The following ASIC2 variants were observed in gnomAD, a reference collection of about 807,000 sequenced individuals.
The protein encoded by ASIC2 is acid-sensing ion channel 2.
ASIC2 carries 25 observed loss-of-function variants against 57.3 expected under a neutral mutation model. The observed-to-expected ratio is 0.44, with a 90% confidence interval of 0.32 to 0.61. The LOEUF is 0.61. ASIC2 is among the 20% of genes least tolerant of loss of function. ASIC2 has a pLI of 0.06. For missense variants in ASIC2, 641 were observed against 738.1 expected, an observed-to-expected ratio of 0.87 and a Z score of 1.52; for synonymous variants, 319 against 307.5, an observed-to-expected ratio of 1.04 and a Z score of -0.39.
In ASIC2 at chr17:33,628,765, T is replaced by G. The variant is rs1035090621; in HGVS notation, c.556-516698A>C. 1.6e-4 allele frequency among the ~76,000 whole-genome samples: 25 copies of G among 152,218 alleles called. 1 individual carries two copies. The highest frequency in any genetic ancestry group is 1.8e-4 in the Non-Finnish European group (12 of 68,032). ...AACAGCCCTCTGAGGTTGATACAAT[T>G]ATTACCTCCATCTAATAGAAGGAAA... On this transcript the variant is annotated intron_variant, in intron 1 of 9. Transcript: ENST00000359872.
At chr17:33,076,672 C>A (rs1193504328) in intron 3 of ASIC2, among the ~76,000 whole-genome samples, 1 of 152,096 alleles carries the variant, frequency 6.6e-6, no homozygotes, top group East Asian at 1.9e-4. Context: ...AACGGGACCA[C>A]CTTGTATGTA....
intron 1 of ASIC2, among the ~76,000 whole-genome samples, chr17:33,264,800 C>T (rs1435029338): frequency 2.0e-5 from 3 of 152,192 alleles, no homozygotes; most frequent in Admixed American, 6.5e-5. Context: ...TCTGGTTCAT[C>T]CTGGCTTTAG....
chr17:33,690,707 A>T (rs1908335236), intron 1 of ASIC2, among the ~76,000 whole-genome samples: 3 of 138,222 alleles, frequency 2.2e-5, no homozygotes, highest in South Asian at 4.7e-4. Flanking sequence ...CCCAAAATTT[A>T]CTTTAGGCAT....
At chr17:33,695,420 T>A (rs1232315866) in intron 1 of ASIC2, among the ~76,000 whole-genome samples, 1 of 152,236 alleles carries the variant, frequency 6.6e-6, no homozygotes, top group East Asian at 1.9e-4. Flanking sequence ...TAGGGCTTTC[T>A]GTAGTTTTTT....
chr17:33,361,366 G>C (rs529419826), intron 1 of ASIC2, among the ~76,000 whole-genome samples: 1 of 152,338 alleles, frequency 6.6e-6, no homozygotes, highest in African/African-American at 2.4e-5. Context: ...GTGACGAGAA[G>C]TGGCTTCTGC....
At chr17:33,087,575 GTTTTTTT>G (rs5820015) in intron 3 of ASIC2, among the ~76,000 whole-genome samples, 2 of 111,042 alleles carry the variant, frequency 1.8e-5, no homozygotes, top group African/African-American at 7.2e-5. Flanking sequence ...TACAACCAGT[GTTTTTTT>G]TTTTTTTTTT....
In ASIC2 at chr17:34,091,389, G is replaced by A. The variant is rs190911277; in HGVS notation, c.555+64589C>T. On this transcript the variant is annotated intron_variant, in intron 1 of 9. Transcript: ENST00000359872. ...GGCATTTCTGCCATGTCCCTGGCAA[G>A]TGATGATTGAGGCAGGGGGCCTGTA... is the stretch of plus-strand genomic sequence containing the variant. Among the ~76,000 whole-genome samples the A allele has an allele frequency of 3.5e-4, 54 of 152,396 alleles. No homozygotes were observed. The East Asian group carries it at 0.01, about 28-fold the overall frequency.
chr17:34,092,497 G>A (rs1393801949), intron 1 of ASIC2, among the ~76,000 whole-genome samples: 3 of 152,274 alleles, frequency 2.0e-5, no homozygotes, highest in African/African-American at 2.4e-5. Flanking sequence ...CTGAGTGGGA[G>A]GGAGAGGGAG....
chr17:33,854,926 C>T (rs1597903758), intron 1 of ASIC2, among the ~76,000 whole-genome samples: 1 of 152,156 alleles, frequency 6.6e-6, no homozygotes, highest in Non-Finnish European at 1.5e-5. Flanking sequence ...CTCCAGTTTC[C>T]TCTGGTTGCC....
chr17:33,579,735 C>T (rs995003846), intron 1 of ASIC2, among the ~76,000 whole-genome samples: 2 of 152,104 alleles, frequency 1.3e-5, no homozygotes, highest in African/African-American at 4.8e-5. Flanking sequence ...GTAGTGCGGA[C>T]CCAAACACTA....
At chr17:33,511,052 C>T (rs1350615005) in intron 1 of ASIC2, among the ~76,000 whole-genome samples, 1 of 152,154 alleles carries the variant, frequency 6.6e-6, no homozygotes, top group African/African-American at 2.4e-5. Context: ...AGCGAACATG[C>T]TTTTTCAAGC....
chr17:34,086,703 C>A (rs1200629159), intron 1 of ASIC2, among the ~76,000 whole-genome samples: 1 of 152,142 alleles, frequency 6.6e-6, no homozygotes, highest in East Asian at 1.9e-4. Context: ...TCAGGACTTG[C>A]TTTATGAATC....
intron 1 of ASIC2, among the ~76,000 whole-genome samples, chr17:33,176,355 T>C (rs1343752060): frequency 6.6e-6 from 1 of 152,208 alleles, no homozygotes; most frequent in Non-Finnish European, 1.5e-5. Flanking sequence ...GTTTTTTCTT[T>C]TTTGAGATAG....
chr17:33,410,517 T>A (rs1336474491), intron 1 of ASIC2, among the ~76,000 whole-genome samples: 2 of 152,192 alleles, frequency 1.3e-5, no homozygotes, highest in African/African-American at 4.8e-5. Flanking sequence ...CTGGAGGGAC[T>A]CAAGCCCCCT....
intron 1 of ASIC2, among the ~76,000 whole-genome samples, chr17:33,486,460 C>T (rs941362122): frequency 4.6e-5 from 7 of 152,184 alleles, no homozygotes; most frequent in Non-Finnish European, 4.4e-5. Context: ...CAGCACCTGG[C>T]ATACGGTTTG....
intron 1 of ASIC2, among the ~76,000 whole-genome samples, chr17:33,260,613 G>A (rs1041993807): frequency 4.6e-5 from 7 of 152,172 alleles, no homozygotes; most frequent in South Asian, 2.1e-4. Context: ...GCTTTTTCTC[G>A]AGAGGTCTTA....
At chr17:33,862,114 C>G in intron 1 of ASIC2, among the ~76,000 whole-genome samples, 1 of 152,254 alleles carries the variant, frequency 6.6e-6, no homozygotes, top group East Asian at 1.9e-4. Flanking sequence ...CCTGTATTCT[C>G]TGCCTTGCAA....
At chr17:33,150,719 G>A (rs530956456) in intron 1 of ASIC2, among the ~76,000 whole-genome samples, 9,485 of 111,414 alleles carry the variant, frequency 0.085, 648 homozygotes, top group East Asian at 0.11. Context: ...GCGTAGTGGC[G>A]GGCGCCTGTA....
intron 1 of ASIC2, among the ~76,000 whole-genome samples, chr17:33,651,678 C>G (rs772993144): frequency 5.3e-5 from 8 of 152,232 alleles, no homozygotes; most frequent in Non-Finnish European, 1.2e-4. Context: ...AAGGTTGAGT[C>G]AGGCAGAGCT....
Sources: allele counts gnomAD v4.1 joint callset (sites outside exome capture counted in the v4.1 genomes callset), GRCh38; gene constraint gnomAD v4.1.1; transcripts MANE v1.5; gene names NCBI Gene and HGNC (gene_info 2026-07-23, HGNC 2026-07-21).